The following ZC2HC1A variants were observed in gnomAD, a reference collection of about 807,000 sequenced individuals.
The protein encoded by ZC2HC1A is zinc finger C2HC domain-containing protein 1A.
ZC2HC1A carries 28 observed loss-of-function variants against 40.7 expected under a neutral mutation model. The ratio of observed to expected loss-of-function variants is 0.69; its 90% CI spans 0.51 to 0.94. The LOEUF is 0.94. Among genes scored for constraint, ZC2HC1A ranks in the 40% least tolerant of loss-of-function variants. The pLI, the probability that ZC2HC1A is intolerant of heterozygous loss-of-function variation, is 0.00. For synonymous variants in ZC2HC1A, 129 were observed against 129.2 expected (o/e 1.00, Z 0.01); for missense variants, 389 against 386.3 (o/e 1.01, Z -0.06).
intron 8 of ZC2HC1A, among the ~76,000 whole-genome samples, chr8:78,715,884 A>G (rs1215744945): frequency 6.6e-6 from 1 of 151,642 alleles, no homozygotes; most frequent in African/African-American, 2.4e-5. Context: ...TACTAAAAGT[A>G]GAAAAATTAG....
At chr8:78,683,276 C>A (rs867831882) in intron 3 of ZC2HC1A, among the ~76,000 whole-genome samples, 1 of 152,216 alleles carries the variant, frequency 6.6e-6, no homozygotes, top group Non-Finnish European at 1.5e-5. Context: ...TTTGCAGTGC[C>A]CTAGCAGAGG....
intron 1 of ZC2HC1A, among the ~76,000 whole-genome samples, chr8:78,668,416 T>C (rs908418871): frequency 6.6e-6 from 1 of 152,162 alleles, no homozygotes; most frequent in Non-Finnish European, 1.5e-5. Context: ...AATATTGTAC[T>C]CTGGCATTAG....
In ZC2HC1A at chr8:78,689,341, A is replaced by G. The variant is rs1416936620; in HGVS notation, c.472A>G (p.Thr158Ala). Residue 158 changes from threonine to alanine, a missense_variant, in exon 5 of 9, where the codon ACC becomes GCC. Transcript: ENST00000263849. ...TAATAAAGGGAAATTTTCTACAGAT[A>G]CCAAAGGAAAACCAACTTCTCGGAC... ...ISNKGKFSTD[T>A]KGKPTSRTQV... The G allele has an allele frequency of 8.8e-6, 14 of 1,599,374 alleles. No individual in the cohort carries two copies. The highest frequency in any genetic ancestry group is 1.2e-5 in the Non-Finnish European group (14 of 1,173,968).
intron 4 of ZC2HC1A, 93 bp from the exon 5 acceptor site, chr8:78,689,129 T>C (rs1006870134): frequency 4.2e-6 from 4 of 947,460 alleles, no homozygotes; most frequent in Admixed American, 4.0e-5. Context: ...TTATTACTTA[T>C]ATTTTTTGAA....
At chr8:78,677,828 TAAGAAAGTA>T (rs904857859) in intron 2 of ZC2HC1A, among the ~76,000 whole-genome samples, 30 of 152,304 alleles carry the variant, frequency 2.0e-4, no homozygotes, top group African/African-American at 7.2e-4. Context: ...GCAAGTTGAT[TAAGAAAGTA>T]AAGGAATGAA....
intron 7 of ZC2HC1A, among the ~76,000 whole-genome samples, chr8:78,703,059 G>T (rs527794152): frequency 6.6e-6 from 1 of 152,172 alleles, no homozygotes; most frequent in African/African-American, 2.4e-5. Flanking sequence ...ACCACACCTG[G>T]CTAATTTTTG....
At chr8:78,689,455 A>G in intron 5 of ZC2HC1A, 82 bp downstream of exon 5, 12 of 1,300,742 alleles carry the variant, frequency 9.2e-6, no homozygotes, top group Non-Finnish European at 8.1e-6. Flanking sequence ...TTTTCATGAC[A>G]TTAGACTATA....
intron 1 of ZC2HC1A, among the ~76,000 whole-genome samples, chr8:78,672,309 T>C (rs1809456603): frequency 1.3e-5 from 2 of 152,156 alleles, no homozygotes; most frequent in Non-Finnish European, 2.9e-5. Flanking sequence ...CTTTATTATT[T>C]AATTAGTTGT....
At chr8:78,714,683 C>A (rs16906023) in intron 7 of ZC2HC1A, among the ~76,000 whole-genome samples, 8 of 152,194 alleles carry the variant, frequency 5.3e-5, no homozygotes, top group Non-Finnish European at 8.8e-5. Context: ...TTTCGGATAG[C>A]CCAGGCTGTG....
intron 5 of ZC2HC1A, among the ~76,000 whole-genome samples, chr8:78,690,934 C>A (rs1301717947): frequency 6.6e-6 from 1 of 151,838 alleles, no homozygotes; most frequent in African/African-American, 2.4e-5. Flanking sequence ...TAATCTTATA[C>A]CCTGCTATTT....
intron 2 of ZC2HC1A, among the ~76,000 whole-genome samples, chr8:78,676,675 C>G (rs1809589173): frequency 6.6e-6 from 1 of 151,880 alleles, no homozygotes; most frequent in Non-Finnish European, 1.5e-5. Flanking sequence ...ATTAATGATC[C>G]AAAGTGTCCT....
Position 78,697,478 on chromosome 8 carries a change from G to C in ZC2HC1A, c.576G>C (p.Gln192His). 1 of 1,606,762 alleles carries C rather than the reference G, an allele frequency of 6.2e-7. No individual in the cohort carries two copies. Among genetic ancestry groups the C allele is most frequent in the South Asian group, 1.1e-5 (1 of 89,594 alleles). Residue 192 changes from glutamine to histidine, a missense_variant, in exon 6 of 9, where the codon CAG (glutamine) becomes CAC (histidine). Coordinates refer to ENST00000263849, the MANE Select transcript of ZC2HC1A (RefSeq NM_016010.3). The stretch of plus-strand genomic sequence containing the variant: ...CATCAGGATCTTCACGATTACCGCA[G>C]CCAAGTGGCGCTGGCAAAACTGTTG... ...TASSGSSRLP[Q>H]PSGAGKTVVG...
chr8:78,671,256 T>A (rs1482669698), intron 1 of ZC2HC1A, among the ~76,000 whole-genome samples: 2 of 152,328 alleles, frequency 1.3e-5, no homozygotes, highest in East Asian at 3.9e-4. Flanking sequence ...GTTTTGAAGT[T>A]GCAAAACATA....
chr8:78,707,222 G>A (rs1455615302), intron 7 of ZC2HC1A, among the ~76,000 whole-genome samples: 1 of 152,128 alleles, frequency 6.6e-6, no homozygotes, highest in Admixed American at 6.6e-5. Context: ...GTTGATCATA[G>A]ATTAAAAGCT....
intron 7 of ZC2HC1A, among the ~76,000 whole-genome samples, chr8:78,708,683 C>CT (rs1192881506): frequency 3.6e-4 from 44 of 121,026 alleles, no homozygotes; most frequent in African/African-American, 4.4e-4. Flanking sequence ...TTTTTTTTTT[C>CT]TTTTTTTTTT....
intron 1 of ZC2HC1A, among the ~76,000 whole-genome samples, chr8:78,671,767 A>G (rs1175310237): frequency 1.3e-5 from 2 of 150,756 alleles, no homozygotes; most frequent in East Asian, 2.0e-4. Flanking sequence ...CTGTGTAGAT[A>G]AGTGGAAGTT....
intron 5 of ZC2HC1A, among the ~76,000 whole-genome samples, chr8:78,690,922 A>G (rs1219520404): frequency 6.6e-6 from 1 of 152,148 alleles, no homozygotes; most frequent in East Asian, 1.9e-4. Flanking sequence ...ATTTTTGTAT[A>G]TTAATCTTAT....
At chr8:78,700,610 G>A (rs1810568853) in intron 7 of ZC2HC1A, among the ~76,000 whole-genome samples, 1 of 152,080 alleles carries the variant, frequency 6.6e-6, no homozygotes, top group African/African-American at 2.4e-5. Context: ...TATTGGCTAG[G>A]TTGTCTTCCA....
At chr8:78,698,267 G>A (rs1337467560) in intron 6 of ZC2HC1A, 147 bp from the exon 7 acceptor site, 1 of 614,788 alleles carries the variant, frequency 1.6e-6, no homozygotes, top group African/African-American at 1.9e-5. Flanking sequence ...GTCGTCCTCT[G>A]GAAATGCCAT....
Sources: allele counts gnomAD v4.1 joint callset (sites outside exome capture counted in the v4.1 genomes callset), GRCh38; gene constraint gnomAD v4.1.1; transcripts MANE v1.5; gene names NCBI Gene and HGNC (gene_info 2026-07-23, HGNC 2026-07-21).